The following DHX8 variants were observed in gnomAD, a reference collection of about 807,000 sequenced individuals.
DHX8 encodes DEAH-box helicase 8.
DHX8 carries 67 observed loss-of-function variants against 140.7 expected under a neutral mutation model. That is an observed-to-expected ratio of 0.48 (90% CI 0.39 to 0.58). DHX8 has a LOEUF of 0.58. Among genes scored for constraint, DHX8 ranks in the 20% least tolerant of loss-of-function variants. The pLI is 0.00. For synonymous variants in DHX8, 533 were observed against 553.2 expected (o/e 0.96, Z 0.51); for missense variants, 887 against 1,550.7 (o/e 0.57, Z 7.19).
chr17:43,493,597 A>G lies in DHX8; in HGVS notation c.1008+8A>G. 1 of 1,614,158 alleles carries G rather than the reference A, an allele frequency of 6.2e-7. No homozygotes were observed. The highest frequency in any genetic ancestry group is 1.1e-5 in the South Asian group (1 of 91,084). On this transcript the variant is annotated splice_region_variant and intron_variant, in intron 7 of 22. Coordinates refer to ENST00000262415, the MANE Select transcript of DHX8 (RefSeq NM_004941.3). ...ACCAGCCTGAGCATGAAGGTAGGTG[A>G]GATGGTCAGCCTGTTCTTACATGTG...
intron 3 of DHX8, among the ~76,000 whole-genome samples, chr17:43,543,097 C>A (rs981707779): frequency 6.6e-6 from 1 of 152,094 alleles, no homozygotes; most frequent in Non-Finnish European, 1.5e-5. Context: ...GCATCCCCCC[C>A]TCAGACCTGG....
chr17:43,515,962 G>A (rs1352715121), intron 17 of DHX8, among the ~76,000 whole-genome samples: 2 of 151,864 alleles, frequency 1.3e-5, no homozygotes, highest in Non-Finnish European at 2.9e-5. Flanking sequence ...AGCAACCTAT[G>A]GCTAAACTAC....
Position 43,513,388 on chromosome 17 carries a change from G to A in DHX8, c.2529G>A (p.Glu843=). ...TTGTGATTGCCACCAATATCGCAGA[G>A]ACATCGCTGACTATTGATGGTATCT... The part of the protein sequence containing the change: ...RKVVIATNIA[E]TSLTIDGIYY... Residue 843 remains glutamate (E), a synonymous_variant, in exon 17 of 23, where the codon GAG becomes GAA. Coordinates refer to ENST00000262415, the MANE Select transcript of DHX8 (RefSeq NM_004941.3). 1 of 1,613,548 alleles carries A rather than the reference G, an allele frequency of 6.2e-7. No homozygotes were observed. The highest frequency in any genetic ancestry group is 2.2e-5 in the East Asian group (1 of 44,822).
intron 3 of DHX8, among the ~76,000 whole-genome samples, chr17:43,537,038 A>G (rs1971278221): frequency 6.6e-6 from 1 of 152,258 alleles, no homozygotes; most frequent in Non-Finnish European, 1.5e-5. Context: ...ATGGGCAGGC[A>G]TTATAAGCAG....
chr17:43,484,318 G>A (rs1967993407), intron 1 of DHX8, 133 bp downstream of exon 1: 3 of 1,082,964 alleles, frequency 2.8e-6, no homozygotes, highest in Non-Finnish European at 4.0e-6. Context: ...CGCAGACACC[G>A]GTGCCCAGGG....
intron 9 of DHX8, among the ~76,000 whole-genome samples, chr17:43,498,259 C>T (rs527297923): frequency 6.2e-4 from 94 of 151,956 alleles, no homozygotes; most frequent in African/African-American, 2.2e-3. Flanking sequence ...ATCCTCCTGC[C>T]TCAGCCTCCC....
At chr17:43,528,742 AC>A, downstream of DHX8, 1 of 1,613,460 alleles carries the variant, frequency 6.2e-7, no homozygotes, top group Non-Finnish European at 8.5e-7. Context: ...CTCACCAGCC[AC>A]CTATGGGGAG....
intron 2 of DHX8, among the ~76,000 whole-genome samples, chr17:43,489,737 C>G (rs1223881856): frequency 6.6e-6 from 1 of 151,976 alleles, no homozygotes; most frequent in Non-Finnish European, 1.5e-5. Context: ...ACTACAGGTG[C>G]CTGCCACCAT....
At chr17:43,530,229 C>G (rs150011413), downstream of DHX8, 1 of 1,551,346 alleles carries the variant, frequency 6.4e-7, no homozygotes, top group African/African-American at 1.4e-5. Context: ...GGGTGGAGCT[C>G]GAGGGCAGGG....
At chr17:43,493,198 G>C (rs76957839) in intron 6 of DHX8, among the ~76,000 whole-genome samples, 158 bp downstream of exon 6, 1 of 152,318 alleles carries the variant, frequency 6.6e-6, no homozygotes, top group African/African-American at 2.4e-5. Flanking sequence ...ATGTTACAGA[G>C]CCATTTATTC....
chr17:43,529,459 C>T (rs764934271), downstream of DHX8: 1 of 1,574,582 alleles, frequency 6.4e-7, no homozygotes, highest in Non-Finnish European at 8.6e-7. Flanking sequence ...CACCTCCAGG[C>T]TGTAAACTTT....
intron 17 of DHX8, among the ~76,000 whole-genome samples, chr17:43,514,142 A>C (rs187518538): frequency 6.7e-4 from 102 of 152,166 alleles, no homozygotes; most frequent in African/African-American, 2.4e-3. Context: ...AAGAGTTCTA[A>C]ACTAGCCTGG....
intron 2 of DHX8, among the ~76,000 whole-genome samples, chr17:43,531,845 A>G (rs1021794212): frequency 6.6e-6 from 1 of 152,198 alleles, no homozygotes; most frequent in Non-Finnish European, 1.5e-5. Flanking sequence ...GATAGGGACC[A>G]GACACATCCT....
rs1969099409 is a variant in DHX8, at chr17:43,500,156, G to T, written c.1546+53G>T. 8 of 1,584,922 alleles carry T rather than the reference G, an allele frequency of 5.0e-6. No individual in the cohort carries two copies. In the Admixed American group the frequency reaches 7.0e-5, roughly 14 times the overall value. On this transcript the variant is annotated intron_variant, in intron 11 of 22. Coordinates refer to ENST00000262415, the MANE Select transcript of DHX8 (RefSeq NM_004941.3). ...CTTGTTTAAAAATCTGAGCCTTTCA[G>T]AACACAGGGAGGGGTCACTCCCGGC...
At position 43,524,563 on chromosome 17, in the gene DHX8, C is replaced by G. The variant is rs1444540778; in HGVS notation, c.*716C>G. 25 of 986,010 alleles carry G rather than the reference C, an allele frequency of 2.5e-5. No homozygotes were observed. In the East Asian group the frequency reaches 4.6e-4, roughly 18 times the overall value. The allele number at this position is 986,010 out of a possible 1,614,324, so 61.1% of individuals were successfully genotyped here. A position where few individuals can be genotyped will look rare whatever the true frequency, so the allele number is the denominator to read the frequency against. ...GGATCACCCGATGATCAACCATGTC[C>G]TCTCCACAGAGCACTTCAGTCTGGA... On this transcript the variant is annotated 3_prime_UTR_variant, in exon 23 of 23. Transcript: ENST00000262415.
At position 43,489,358 on chromosome 17, in the gene DHX8, T is replaced by C. The variant is rs972658737; in HGVS notation, c.149-91T>C. 9 of 866,754 alleles carry C rather than the reference T, an allele frequency of 1.0e-5. No homozygotes were observed. The Admixed American group carries it at 2.0e-4, about 20-fold the overall frequency. 53.7% of individuals were successfully genotyped at this position (866,754 alleles called of 1,614,324 possible). ...GGTGGTCTTTGTTTTTTATTACTGT[T>C]GGATAACCTAATTAGTTTTGTTTTC... is the stretch of plus-strand genomic sequence containing the variant. On this transcript the variant is annotated intron_variant, in intron 1 of 22. Transcript: ENST00000262415.
At chr17:43,509,608 T>A (rs1487009359) in intron 16 of DHX8, among the ~76,000 whole-genome samples, 1 of 151,462 alleles carries the variant, frequency 6.6e-6, no homozygotes, top group African/African-American at 2.4e-5. Context: ...CTCAGCCGCC[T>A]AAGCAGCTGG....
chr17:43,492,570 C>T (rs1968587344), intron 5 of DHX8, 111 bp from the exon 6 acceptor site: 2 of 680,692 alleles, frequency 2.9e-6, no homozygotes, highest in African/African-American at 1.8e-5. Flanking sequence ...TAATTCAGTT[C>T]AAAACCTAGT....
At chr17:43,532,514 G>GAAAAAT (rs1460091349) in intron 2 of DHX8, among the ~76,000 whole-genome samples, 1 of 151,818 alleles carries the variant, frequency 6.6e-6, no homozygotes, top group Non-Finnish European at 1.5e-5. Flanking sequence ...AAAAGAAAAA[G>GAAAAAT]AAAGAAAAAT....
Sources: allele counts gnomAD v4.1 joint callset (sites outside exome capture counted in the v4.1 genomes callset), GRCh38; gene constraint gnomAD v4.1.1; transcripts MANE v1.5; gene names NCBI Gene and HGNC (gene_info 2026-07-23, HGNC 2026-07-21).